COL2A1: variants seen among roughly 807,000 people sequenced by gnomAD.
COL2A1 encodes the protein collagen type II alpha 1 chain, also known as collagen alpha-1(II) chain.
A neutral mutation model predicts 204.5 loss-of-function variants in COL2A1; 28 were observed. The observed-to-expected ratio is 0.14, with a 90% CI of 0.10 to 0.19. The LOEUF is 0.19. COL2A1 is among the 10% of genes least tolerant of loss of function. The pLI, the probability that COL2A1 is intolerant of heterozygous loss-of-function variation, is 1.00. For synonymous variants in COL2A1, 708 were observed against 718.7 expected (o/e 0.99, Z 0.24); for missense variants, 1,388 against 2,027.5 (o/e 0.68, Z 6.06).
chr12:47,983,887 A>G, intron 29 of COL2A1, 151 bp from the exon 30 acceptor site: 2 of 952,690 alleles, frequency 2.1e-6, no homozygotes, highest in East Asian at 2.6e-5. Context: ...CTGCACTCCC[A>G]TCAGCCACCC....
In COL2A1 at chr12:47,995,161, C is replaced by T. The variant is rs1939893074; in HGVS notation, c.762+94G>A. The T allele has an allele frequency of 4.6e-6, 5 of 1,079,602 alleles. No individual in the cohort carries two copies. The South Asian group carries it at 6.2e-5, about 13-fold the overall frequency. The allele number at this position is 1,079,602 out of a possible 1,614,324, so 66.9% of individuals were successfully genotyped here. ...AGTCTTGCTCCTCAAGATACCTCCA[C>T]CCTGGGTGCCTCCCTGTCACTCCCC... On this transcript the variant is annotated intron_variant, in intron 11 of 53. Transcript: ENST00000380518.
chr12:47,975,911 C>T (rs1324318281), intron 50 of COL2A1, 52 bp downstream of exon 50: 1 of 1,405,064 alleles, frequency 7.1e-7, no homozygotes, highest in African/African-American at 1.4e-5. Flanking sequence ...GAGCTCAAGC[C>T]TCCCGGATGG....
rs534149798 is a variant in COL2A1, at chr12:47,987,256, G to C, written c.1266+13C>G. 1 of 1,613,916 alleles carries C rather than the reference G, an allele frequency of 6.2e-7. No individual in the cohort carries two copies. ...GCTCTCCTGGGGTAGCAAAGTCCAC[G>C]GGCAACACTCACAGCAGATCCTTTG... is the stretch of plus-strand genomic sequence containing the variant. On this transcript the variant is annotated intron_variant, in intron 20 of 53. Coordinates refer to ENST00000380518, the MANE Select transcript of COL2A1 (RefSeq NM_001844.5). This position sits in a 1 kb window ranked among gnomAD's most constrained non-coding sequence, Gnocchi z 4.1.
intron 10 of COL2A1, 86 bp downstream of exon 10, chr12:47,995,624 A>G (rs1016831547): frequency 7.5e-7 from 1 of 1,331,044 alleles, no homozygotes; most frequent in African/African-American, 1.4e-5. Context: ...AGCTGGGCAG[A>G]GCCTGGGAGG....
intron 21 of COL2A1, 77 bp from the exon 22 acceptor site, chr12:47,986,965 G>A (rs1447013075): frequency 6.3e-7 from 1 of 1,596,598 alleles, no homozygotes; most frequent in Non-Finnish European, 8.6e-7. Flanking sequence ...TGTTCAAGAT[G>A]CCCTCGGATG....
At chr12:48,006,101 G>C (rs1350834873), upstream of COL2A1, 1 of 152,262 alleles carries the variant, frequency 6.6e-6, no homozygotes, top group East Asian at 1.9e-4. Flanking sequence ...TCAGGGGCTT[G>C]CATTAAGCTC....
At chr12:48,000,717 T>C (rs1350596941) in intron 1 of COL2A1, among the ~76,000 whole-genome samples, 2 of 152,144 alleles carry the variant, frequency 1.3e-5, no homozygotes, top group Non-Finnish European at 2.9e-5. Flanking sequence ...AAAATAGGTA[T>C]ATAAGAAAGG....
intron 27 of COL2A1, 50 bp from the exon 28 acceptor site, chr12:47,984,649 T>G (rs184031664): frequency 1.3e-6 from 2 of 1,578,142 alleles, no homozygotes; most frequent in Non-Finnish European, 1.7e-6. Flanking sequence ...TGGGAGGGAG[T>G]TGGGGGCAGA....
chr12:47,987,760 C>T lies in COL2A1; in HGVS notation c.1123-51G>A. The T allele has an allele frequency of 6.9e-7, 1 of 1,455,428 alleles. No homozygotes were observed. Among genetic ancestry groups the T allele is most frequent in the Admixed American group, 1.8e-5 (1 of 54,942 alleles). The allele number at this position is 1,455,428 out of a possible 1,614,324, so 90.2% of individuals were successfully genotyped here. A position where few individuals can be genotyped will look rare whatever the true frequency, so the allele number is the denominator to read the frequency against. ...TGAAGAAGAAGAGAGGGGACACAGA[C>T]CTCTAGTGGGTGGGCAATAGCTCAG... On this transcript the variant is annotated intron_variant, in intron 18 of 53. Coordinates refer to ENST00000380518, the MANE Select transcript of COL2A1 (RefSeq NM_001844.5). The surrounding 1 kb of genome is among the most constrained non-coding windows in gnomAD (Gnocchi z 4.1).
chr12:47,998,161 G>T lies in COL2A1; in HGVS notation c.342+8C>A, dbSNP rs771598594. 5 of 1,614,104 alleles carry T rather than the reference G, an allele frequency of 3.1e-6. No individual in the cohort carries two copies. Among genetic ancestry groups the T allele is most frequent in the Admixed American group, 3.3e-5 (2 of 60,020 alleles). On this transcript the variant is annotated splice_region_variant and intron_variant, in intron 4 of 53. Coordinates refer to ENST00000380518, the MANE Select transcript of COL2A1 (RefSeq NM_001844.5). The stretch of plus-strand genomic sequence containing the variant: ...CTGCAATACCGGGTGAGAATAATTT[G>T]CACTTACATCCTTGATGTCTCCAGG...
chr12:47,973,683 C>T (rs1592193381), intron 53 of COL2A1, 130 bp from the exon 54 acceptor site: 1 of 913,534 alleles, frequency 1.1e-6, no homozygotes, highest in Non-Finnish European at 1.7e-6. Context: ...ACTGAGGGGG[C>T]TCCTGAGACC....
Position 47,998,064 on chromosome 12 carries a change from T to C in COL2A1, c.343A>G (p.Ile115Val), listed in dbSNP as rs1329462343. 4 of 1,614,046 alleles carry C rather than the reference T, an allele frequency of 2.5e-6. No individual in the cohort carries two copies. In the African/African-American group the frequency reaches 5.3e-5, roughly 22 times the overall value. ...QKGEPGDIKD[I>V]VGPKGPPGPQ... ...CCAGGAGGTCCTTTGGGTCCTACAA[T>C]CTGTGAGAGAGAGCCCCACAGGATG... is the stretch of plus-strand genomic sequence containing the variant. Residue 115 changes from isoleucine (I) to valine (V), a missense_variant and splice_region_variant, in exon 5 of 54, where the codon ATT becomes GTT. Around this residue, in one of 3 missense-constraint regions of COL2A1, gnomAD observed 201 missense variants for 242.4 expected, o/e 0.83. Coordinates refer to ENST00000380518, the MANE Select transcript of COL2A1 (RefSeq NM_001844.5).
At chr12:47,985,655 C>T in intron 25 of COL2A1, 68 bp from the exon 26 acceptor site, 2 of 1,609,764 alleles carry the variant, frequency 1.2e-6, no homozygotes, top group Non-Finnish European at 1.7e-6. Context: ...CCTGGCAGTG[C>T]AGGGCTGGAA....
At position 47,980,586 on chromosome 12, in the gene COL2A1, G is replaced by A; in HGVS notation, c.2593C>T (p.Pro865Ser). Residue 865 changes from proline (P) to serine (S), a missense_variant, in exon 39 of 54, where the codon CCT (proline) becomes TCT (serine). Around this residue, in one of 3 missense-constraint regions of COL2A1, gnomAD observed 884 missense variants for 1,415.8 expected, o/e 0.62. Transcript: ENST00000380518. The surrounding 1 kb of genome is among the most constrained non-coding windows in gnomAD (Gnocchi z 4.5). ...GQKGDAGAPG[P>S]QGPSGAPGPQ... Reference sequence around the variant, plus strand: ...CCAGGTGCTCCAGAGGGGCCCTGAGGACCAGGGGCACCAGCATCGCCTTTC... The same window carrying A: ...CCAGGTGCTCCAGAGGGGCCCTGAGAACCAGGGGCACCAGCATCGCCTTTC... The A allele has an allele frequency of 8.1e-6, 13 of 1,612,332 alleles. No homozygotes were observed. Among genetic ancestry groups the A allele is most frequent in the South Asian group, 4.4e-5 (4 of 90,604 alleles).
intron 15 of COL2A1, 115 bp from the exon 16 acceptor site, chr12:47,993,046 C>T: frequency 1.0e-6 from 1 of 997,168 alleles, no homozygotes; most frequent in Non-Finnish European, 1.6e-6. Flanking sequence ...TGCCCACACC[C>T]AGGAAAACAA....
At chr12:47,979,605 C>CA in intron 40 of COL2A1, 41 bp from the exon 41 acceptor site, 1 of 1,555,342 alleles carries the variant, frequency 6.4e-7, no homozygotes, top group Non-Finnish European at 8.8e-7. Flanking sequence ...CTCAAGCCCT[C>CA]AGGAGGTTTG....
In COL2A1 at chr12:47,981,356, G is replaced by T; in HGVS notation, c.2450C>A (p.Ala817Asp). Reference sequence around the variant, plus strand: ...GCAGACACTCACCGGAGCGCCACGAGCACCAGCACTTCCTGCAGGACCAGG... The same window carrying T: ...GCAGACACTCACCGGAGCGCCACGATCACCAGCACTTCCTGCAGGACCAGG... The part of the protein sequence containing the change: ...GPPGPAGSAG[A>D]RGAPGERGET... The change falls in exon 37 of 54, where the codon GCT becomes GAT. Residue 817 changes from alanine to aspartate, a missense_variant. Coordinates refer to ENST00000380518, the MANE Select transcript of COL2A1 (RefSeq NM_001844.5). 1 of 1,612,990 alleles carries T rather than the reference G, an allele frequency of 6.2e-7. No homozygotes were observed. Among genetic ancestry groups the T allele is most frequent in the Non-Finnish European group, 8.5e-7 (1 of 1,179,854 alleles).
In COL2A1 at chr12:47,987,659, A is replaced by G. The variant is rs1939501545; in HGVS notation, c.1173T>C (p.Pro391=). 1.2e-6 allele frequency: 2 copies of G among 1,613,346 alleles called. No individual in the cohort carries two copies. Among genetic ancestry groups the G allele is most frequent in the Admixed American group, 3.3e-5 (2 of 59,922 alleles). Residue 391 remains proline (P), a synonymous_variant, in exon 19 of 54, where the codon CCT becomes CCC. Coordinates refer to ENST00000380518, the MANE Select transcript of COL2A1 (RefSeq NM_001844.5). The surrounding 1 kb of genome is among the most constrained non-coding windows in gnomAD (Gnocchi z 4.1). ...GARGPEGAQG[P]RGEPGTPGSP... ...ACCCAGGAGTACCAGGTTCACCGCG[A>G]GGACCTTGAGCACCTTCAGGACCAC...
At chr12:48,003,769 G>A (rs1940343404) in intron 1 of COL2A1, among the ~76,000 whole-genome samples, 1 of 152,198 alleles carries the variant, frequency 6.6e-6, no homozygotes, top group Non-Finnish European at 1.5e-5. Flanking sequence ...GACAGGCTGT[G>A]AAGTCAACCC....
Sources: allele counts gnomAD v4.1 joint callset (sites outside exome capture counted in the v4.1 genomes callset), GRCh38; gene constraint gnomAD v4.1.1; regional missense constraint gnomAD v4.1.1; non-coding constraint Gnocchi (gnomAD v3.1); transcripts MANE v1.5; gene names NCBI Gene and HGNC (gene_info 2026-07-23, HGNC 2026-07-21).